BTBD18: variants seen among roughly 807,000 people sequenced by gnomAD.
BTBD18 encodes BTB/POZ domain-containing protein 18.
For synonymous variants in BTBD18, 311 were observed against 324.4 expected, an observed-to-expected ratio of 0.96 and a Z score of 0.44; for missense variants, 787 against 846.3, an observed-to-expected ratio of 0.93 and a Z score of 0.87.
chr11:57,751,354 C>T, intron 1 of BTBD18, 118 bp from the exon 2 acceptor site: 1 of 508,268 alleles, frequency 2.0e-6, no homozygotes, highest in South Asian at 3.4e-5. Flanking sequence ...GAAACATCAG[C>T]CCAGAAATTG....
At position 57,746,156 on chromosome 11, in the gene BTBD18, G is replaced by C; in HGVS notation, c.125-8C>G. 6.5e-7 allele frequency: 1 copy of C among 1,530,910 alleles called. No homozygotes were observed. Among genetic ancestry groups the C allele is most frequent in the Non-Finnish European group, 8.8e-7 (1 of 1,136,976 alleles). The allele number at this position is 1,530,910 out of a possible 1,614,324, so 94.8% of individuals were successfully genotyped here. ...GAGCTGGAACTGCCTCACCTGAAGG[G>C]AAACCCAAATACTTTTGTTATCAGG... On this transcript the variant is annotated splice_polypyrimidine_tract_variant and splice_region_variant and intron_variant, in intron 2 of 2. Transcript: ENST00000422652.
intron 2 of BTBD18, among the ~76,000 whole-genome samples, chr11:57,749,714 C>T (rs573750216): frequency 2.5e-5 from 3 of 121,556 alleles, no homozygotes; most frequent in Non-Finnish European, 4.7e-5. Context: ...CGCGCAATTG[C>T]ACTTCAGCCT....
At chr11:57,751,019 C>G (rs1331835537) in intron 2 of BTBD18, 46 bp downstream of exon 2, 3 of 1,469,910 alleles carry the variant, frequency 2.0e-6, no homozygotes, top group Non-Finnish European at 2.7e-6. Context: ...CTCATTTTAT[C>G]TTATTCTATG....
In BTBD18 at chr11:57,751,147, G is replaced by T. The variant is rs1301947643; in HGVS notation, c.42C>A (p.Pro14=). The change falls in exon 2 of 3, where the codon CCC becomes CCA. Residue 14 remains proline (P), a synonymous_variant. Transcript: ENST00000422652. ...GCAGAAAAGCTAACCTGAGGAACCGGGGGTTCCTGTATAGGATTTTGGGAC... is the reference window on the plus strand; with the variant it reads ...GCAGAAAAGCTAACCTGAGGAACCGTGGGTTCCTGTATAGGATTTTGGGAC... The part of the protein sequence containing the change: ...PASPKILYRN[P]RFLRLAFLQL... 1 of 1,549,282 alleles carries T rather than the reference G, an allele frequency of 6.5e-7. No individual in the cohort carries two copies. The highest frequency in any genetic ancestry group is 8.7e-7 in the Non-Finnish European group (1 of 1,145,532).
Position 57,745,626 on chromosome 11 carries a change from G to A in BTBD18, c.647C>T (p.Thr216Ile), listed in dbSNP as rs1389235346. 2 of 1,551,544 alleles carry A rather than the reference G, an allele frequency of 1.3e-6. No individual in the cohort carries two copies. Among genetic ancestry groups the A allele is most frequent in the African/African-American group, 2.7e-5 (2 of 73,034 alleles). The change falls in exon 3 of 3, where the codon ACT (threonine) becomes ATT (isoleucine). Residue 216 changes from threonine to isoleucine, a missense_variant. Coordinates refer to ENST00000422652, the MANE Select transcript of BTBD18 (RefSeq NM_001145101.3). ...LLKRKARACPTPQEKNSSPSS... is the reference protein window; with the variant it reads ...LLKRKARACPIPQEKNSSPSS... ...TGGTGAAGAGTTTTTTTCTTGTGGA[G>A]TTGGGCAGGCTCTGGCCTTCCTCTT... is the stretch of plus-strand genomic sequence containing the variant.
chr11:57,747,963 C>G (rs1004179755), intron 2 of BTBD18, among the ~76,000 whole-genome samples: 4 of 152,190 alleles, frequency 2.6e-5, no homozygotes, highest in African/African-American at 9.7e-5. Context: ...CCTCAGCCAG[C>G]TAATTGTTTG....
rs1173434510 is a variant in BTBD18 at position 57,743,775 on chromosome 11, G to A, written c.*359C>T. On this transcript the variant is annotated 3_prime_UTR_variant, in exon 3 of 3. Coordinates refer to ENST00000422652, the MANE Select transcript of BTBD18 (RefSeq NM_001145101.3). ...AAACAATACCCCACCACAGAGGAGG[G>A]TGTTCTTTCTCAGCTTTTCCTAAAT... The A allele has an allele frequency of 2.5e-4, 49 of 194,484 alleles. No homozygotes were observed. Among genetic ancestry groups the A allele is most frequent in the Non-Finnish European group, 1.4e-4 (13 of 94,086 alleles). 12.0% of individuals were successfully genotyped at this position (194,484 alleles called of 1,614,324 possible). A position where few individuals can be genotyped will look rare whatever the true frequency, so the allele number is the denominator to read the frequency against.
At position 57,744,590 on chromosome 11, in the gene BTBD18, A is replaced by T. The variant is rs1256357604; in HGVS notation, c.1683T>A (p.Pro561=). The change falls in exon 3 of 3, where the codon CCT becomes CCA. Residue 561 remains proline, a synonymous_variant. Coordinates refer to ENST00000422652, the MANE Select transcript of BTBD18 (RefSeq NM_001145101.3). ...PRELTELEKE[P]AGENRGPTEL... ...CAGTTGGCCCTCTGTTCTCACCAGCAGGTTCCTTTTCCAATTCTGTGAGCT... is the reference window on the plus strand; with the variant it reads ...CAGTTGGCCCTCTGTTCTCACCAGCTGGTTCCTTTTCCAATTCTGTGAGCT... The T allele has an allele frequency of 3.9e-6, 6 of 1,551,560 alleles. No individual in the cohort carries two copies. The highest frequency in any genetic ancestry group is 5.2e-6 in the Non-Finnish European group (6 of 1,146,986).
rs1230869165 is a variant in BTBD18 at position 57,751,151 on chromosome 11, T to C, written c.38A>G (p.Asn13Ser). The C allele has an allele frequency of 6.5e-7, 1 of 1,549,772 alleles. No individual in the cohort carries two copies. ...AAAAGCTAACCTGAGGAACCGGGGG[T>C]TCCTGTATAGGATTTTGGGACTGGC... The part of the protein sequence containing the change: ...SPASPKILYR[N>S]PRFLRLAFLQ... The change falls in exon 2 of 3, where the codon AAC becomes AGC. Residue 13 changes from asparagine to serine, a missense_variant. Coordinates refer to ENST00000422652, the MANE Select transcript of BTBD18 (RefSeq NM_001145101.3).
intron 2 of BTBD18, among the ~76,000 whole-genome samples, chr11:57,749,704 C>G (rs1486626440): frequency 1.4e-5 from 2 of 138,578 alleles, no homozygotes; most frequent in Non-Finnish European, 3.0e-5. Context: ...GAGCTGAGAC[C>G]GCGCAATTGC....
intron 2 of BTBD18, among the ~76,000 whole-genome samples, chr11:57,750,673 G>A (rs1949288460): frequency 6.6e-6 from 1 of 152,210 alleles, no homozygotes; most frequent in South Asian, 2.1e-4. Context: ...CTCCTGCCTG[G>A]GCAAGAGAGT....
Position 57,744,097 on chromosome 11 carries a change from A to C in BTBD18, c.*37T>G. On this transcript the variant is annotated 3_prime_UTR_variant, in exon 3 of 3. Coordinates refer to ENST00000422652, the MANE Select transcript of BTBD18 (RefSeq NM_001145101.3). ...AGCCTTTTGCTAGCTAACATTTCCC[A>C]CCCTCCCAAGGCCCCTAACCTGCCC... 6.4e-5 allele frequency: 73 copies of C among 1,137,418 alleles called. No individual in the cohort carries two copies. The highest frequency in any genetic ancestry group is 7.4e-5 in the Non-Finnish European group (59 of 797,158). The allele number at this position is 1,137,418 out of a possible 1,614,324, so 70.5% of individuals were successfully genotyped here.
Position 57,744,904 on chromosome 11 carries a change from G to A in BTBD18, c.1369C>T (p.Pro457Ser), listed in dbSNP as rs1274191086. Reference protein sequence around the residue: ...ESSPELVEKEPMLAIDCREPY... With the variant: ...ESSPELVEKESMLAIDCREPY... Reference sequence around the variant, plus strand: ...TCTCTGCAGTCAATAGCCAACATAGGTTCCTTCTCTACCAGTTCTGGACTG... The same window carrying A: ...TCTCTGCAGTCAATAGCCAACATAGATTCCTTCTCTACCAGTTCTGGACTG... The change falls in exon 3 of 3, where the codon CCT becomes TCT. Residue 457 changes from proline (P) to serine (S), a missense_variant. By Grantham distance (74) the Pro-to-Ser change is moderately conservative. Transcript: ENST00000422652. 5.8e-6 allele frequency: 9 copies of A among 1,551,568 alleles called. No individual in the cohort carries two copies. The highest frequency in any genetic ancestry group is 3.6e-5 in the South Asian group (3 of 84,044).
Position 57,744,668 on chromosome 11 carries a change from GTTC to G in BTBD18, c.1602_1604del (p.Lys534del). 1.3e-6 allele frequency: 2 copies of G among 1,551,698 alleles called. No homozygotes were observed. Among genetic ancestry groups the G allele is most frequent in the Non-Finnish European group, 1.7e-6 (2 of 1,146,996 alleles). On this transcript the variant is annotated inframe_deletion, in exon 3 of 3. Coordinates refer to ENST00000422652, the MANE Select transcript of BTBD18 (RefSeq NM_001145101.3). The stretch of plus-strand genomic sequence containing the variant: ...GACACCATTCTTCCCCTTCAATCCA[GTTC>G]TTTCCTGTTTCTGTCAGATGGTAGG...
At chr11:57,746,603 C>A (rs1411042116) in intron 2 of BTBD18, among the ~76,000 whole-genome samples, 4 of 152,050 alleles carry the variant, frequency 2.6e-5, no homozygotes, top group Non-Finnish European at 5.9e-5. Flanking sequence ...AGATTACAGG[C>A]GTGAGCCACC....
intron 2 of BTBD18, among the ~76,000 whole-genome samples, chr11:57,746,417 C>A (rs918266257): frequency 2.0e-5 from 3 of 151,548 alleles, no homozygotes; most frequent in African/African-American, 7.3e-5. Flanking sequence ...GCAACCTCTG[C>A]CTCCCGGGTT....
rs1330384627 is a variant in BTBD18, at chr11:57,744,973, T to C, written c.1300A>G (p.Ser434Gly). The change falls in exon 3 of 3, where the codon AGC becomes GGC. Residue 434 changes from serine (S) to glycine (G), a missense_variant. Transcript: ENST00000422652. ...ACCACTGGGTGGTCTGGGGAGTGGCTAGCAGAGACCAGAATGTCTTGTAGC... is the reference window on the plus strand; with the variant it reads ...ACCACTGGGTGGTCTGGGGAGTGGCCAGCAGAGACCAGAATGTCTTGTAGC... ...TKLQDILVSA[S>G]HSPDHPVVKS... is the part of the protein sequence containing the mutation. 2 of 1,551,540 alleles carry C rather than the reference T, an allele frequency of 1.3e-6. No homozygotes were observed. The highest frequency in any genetic ancestry group is 1.4e-5 in the African/African-American group (1 of 73,068).
At position 57,745,705 on chromosome 11, in the gene BTBD18, G is replaced by A. The variant is rs779170373; in HGVS notation, c.568C>T (p.Pro190Ser). Residue 190 changes from proline (P) to serine (S), a missense_variant, in exon 3 of 3, where the codon CCC becomes TCC. Physicochemically the swap from Pro to Ser is moderately conservative, Grantham distance 74 (BLOSUM62 -1). Coordinates refer to ENST00000422652, the MANE Select transcript of BTBD18 (RefSeq NM_001145101.3). ...GCATTCTGTCGGTTGTTTTCCTGGG[G>A]CCCCTCTTCCTTCCCCAAGGACTTC... ...RLKSLGKEEG[P>S]QENNRQNADN... The A allele has an allele frequency of 5.5e-5, 85 of 1,551,656 alleles. No homozygotes were observed. Among genetic ancestry groups the A allele is most frequent in the South Asian group, 4.8e-4 (40 of 84,050 alleles).
upstream of BTBD18, among the ~76,000 whole-genome samples, chr11:57,752,273 G>A (rs1949326562): frequency 6.6e-6 from 1 of 152,126 alleles, no homozygotes; most frequent in African/African-American, 2.4e-5. Context: ...GGTGGCTCAC[G>A]CCTGTAATCC....
Sources: allele counts gnomAD v4.1 joint callset (sites outside exome capture counted in the v4.1 genomes callset), GRCh38; gene constraint gnomAD v4.1.1; transcripts MANE v1.5; gene names NCBI Gene and HGNC (gene_info 2026-07-23, HGNC 2026-07-21).